Variants in SEMA3D observed in about 807,000 individuals in gnomAD.
The protein encoded by SEMA3D is semaphorin-3D.
Under a neutral mutation model 100.1 loss-of-function variants are expected in SEMA3D, and 84 were observed. The observed-to-expected ratio is 0.84, with a 90% CI of 0.70 to 1.01. SEMA3D has a LOEUF of 1.01. Among genes scored for constraint, SEMA3D ranks in the 50% least tolerant of loss-of-function variants. The pLI is 0.00. For synonymous variants in SEMA3D, 312 were observed against 320.7 expected (o/e 0.97, Z 0.29); for missense variants, 875 against 934.1 (o/e 0.94, Z 0.82).
intron 12 of SEMA3D, among the ~76,000 whole-genome samples, chr7:85,034,158 G>A (rs1371545151): frequency 6.6e-6 from 1 of 151,966 alleles, no homozygotes; most frequent in African/African-American, 2.4e-5. Flanking sequence ...TGTGTTTCAT[G>A]GGATTATGAT....
intron 4 of SEMA3D, among the ~76,000 whole-genome samples, chr7:85,093,152 A>T (rs972242805): frequency 6.6e-6 from 1 of 152,038 alleles, no homozygotes; most frequent in Admixed American, 6.6e-5. Flanking sequence ...CAGTCTTCTA[A>T]GTCAATTAAT....
the SEMA3D span, among the ~76,000 whole-genome samples, chr7:85,231,512 G>A: frequency 7.0e-6 from 1 of 142,986 alleles, no homozygotes; most frequent in Admixed American, 7.3e-5. Flanking sequence ...CAGTAGTGGG[G>A]CGATCTCGGC....
chr7:85,200,828 G>T, the SEMA3D span, among the ~76,000 whole-genome samples: 1 of 152,198 alleles, frequency 6.6e-6, no homozygotes. Flanking sequence ...GTGTCTCCAT[G>T]CTGTGTGCAG....
intron 17 of SEMA3D, among the ~76,000 whole-genome samples, chr7:85,012,383 C>G (rs1255713527): frequency 6.6e-6 from 1 of 151,492 alleles, no homozygotes; most frequent in Non-Finnish European, 1.5e-5. Context: ...TACCTAAAAA[C>G]TTTTTTCTAA....
At chr7:85,163,754 A>G (rs1299567136) in intron 1 of SEMA3D, among the ~76,000 whole-genome samples, 1 of 152,128 alleles carries the variant, frequency 6.6e-6, no homozygotes, top group African/African-American at 2.4e-5. Flanking sequence ...TCTCATTCCC[A>G]GAATTGCTTT....
Position 85,042,163 on chromosome 7 carries a change from G to A in SEMA3D, c.976+8C>T, listed in dbSNP as rs1790882655. On this transcript the variant is annotated splice_region_variant and intron_variant, in intron 10 of 18. Transcript: ENST00000284136. ...CCTTTCCAAGAAAGAAGGAAAGAAG[G>A]AACTTACGAAGCTCATCAAAGTAAG... 17 of 1,570,066 alleles carry A rather than the reference G, an allele frequency of 1.1e-5. No individual in the cohort carries two copies. The highest frequency in any genetic ancestry group is 1.5e-5 in the Non-Finnish European group (17 of 1,140,496).
intron 2 of SEMA3D, among the ~76,000 whole-genome samples, chr7:85,135,982 G>A (rs1789854932): frequency 6.6e-6 from 1 of 151,942 alleles, no homozygotes; most frequent in African/African-American, 2.4e-5. Context: ...CACATTTATA[G>A]AAAATTCACA....
chr7:85,102,305 T>C (rs1788773251), intron 3 of SEMA3D, among the ~76,000 whole-genome samples: 2 of 152,014 alleles, frequency 1.3e-5, no homozygotes, highest in African/African-American at 4.8e-5. Context: ...AGGTTGCACG[T>C]ACATACTGCA....
At chr7:85,099,415 A>C (rs1257442848) in intron 3 of SEMA3D, among the ~76,000 whole-genome samples, 1 of 151,952 alleles carries the variant, frequency 6.6e-6, no homozygotes, top group African/African-American at 2.4e-5. Flanking sequence ...CATGATTGCG[A>C]GGCCTCAGCC....
the SEMA3D span, among the ~76,000 whole-genome samples, chr7:85,197,297 A>G: frequency 6.6e-6 from 1 of 152,122 alleles, no homozygotes; most frequent in Non-Finnish European, 1.5e-5. Flanking sequence ...GTTGGCATCT[A>G]TTGCCTCTAA....
intron 12 of SEMA3D, among the ~76,000 whole-genome samples, chr7:85,025,091 C>T (rs1010343534): frequency 2.0e-5 from 3 of 151,970 alleles, no homozygotes; most frequent in Non-Finnish European, 2.9e-5. Flanking sequence ...GGTTTTTCTC[C>T]GTATGTATGT....
At chr7:85,083,573 G>T in intron 4 of SEMA3D, among the ~76,000 whole-genome samples, 1 of 152,048 alleles carries the variant, frequency 6.6e-6, no homozygotes, top group Admixed American at 6.6e-5. Context: ...GGCCGGGCGC[G>T]GTGGCTCACG....
Position 85,083,470 on chromosome 7 carries a change from GTTGT to G in SEMA3D, c.313-1895_313-1892del, listed in dbSNP as rs879334923. 5.9e-5 allele frequency among the ~76,000 whole-genome samples: 9 copies of G among 152,310 alleles called. 1 individual carries two copies. Among genetic ancestry groups the G allele is most frequent in the African/African-American group, 1.2e-4 (5 of 41,564 alleles). Reference sequence around the variant, plus strand: ...CCAAAATTGGAACGTTTCTTCAAATGTTGTTTGTTTGTTATTTTTGTTCTGGTTG... The same window carrying G: ...CCAAAATTGGAACGTTTCTTCAAATGTTGTTTGTTATTTTTGTTCTGGTTG... On this transcript the variant is annotated intron_variant, in intron 4 of 18. Transcript: ENST00000284136.
the SEMA3D span, among the ~76,000 whole-genome samples, chr7:85,230,753 G>A: frequency 6.6e-6 from 1 of 152,150 alleles, no homozygotes; most frequent in Admixed American, 6.5e-5. Context: ...GTTCATCCAT[G>A]CATTAAAATG....
chr7:85,249,157 G>C, the SEMA3D span, among the ~76,000 whole-genome samples: 1 of 152,070 alleles, frequency 6.6e-6, no homozygotes, highest in African/African-American at 2.4e-5. Context: ...GTCTTTTTAA[G>C]TGTTCTAAAA....
At chr7:85,119,153 A>C (rs1466524911) in intron 3 of SEMA3D, among the ~76,000 whole-genome samples, 1 of 152,192 alleles carries the variant, frequency 6.6e-6, no homozygotes, top group East Asian at 1.9e-4. Flanking sequence ...CGGAATGCTT[A>C]TACACTGTTT....
At chr7:85,110,992 A>G (rs1002842453) in intron 3 of SEMA3D, among the ~76,000 whole-genome samples, 4 of 152,082 alleles carry the variant, frequency 2.6e-5, no homozygotes, top group Non-Finnish European at 4.4e-5. Flanking sequence ...CTCTCTAGAC[A>G]TATTAGCTGA....
intron 1 of SEMA3D, among the ~76,000 whole-genome samples, chr7:85,158,778 A>T (rs1223835703): frequency 6.6e-6 from 1 of 152,088 alleles, no homozygotes; most frequent in East Asian, 1.9e-4. Flanking sequence ...CAGCTTTAAA[A>T]TTTCTGTCTT....
the SEMA3D span, among the ~76,000 whole-genome samples, chr7:85,199,411 G>C: frequency 2.0e-5 from 3 of 152,056 alleles, no homozygotes; most frequent in East Asian, 5.8e-4. Flanking sequence ...TGCATCACTT[G>C]TAGTTTCTAC....
Sources: allele counts gnomAD v4.1 joint callset (sites outside exome capture counted in the v4.1 genomes callset), GRCh38; gene constraint gnomAD v4.1.1; transcripts MANE v1.5; gene names NCBI Gene and HGNC (gene_info 2026-07-23, HGNC 2026-07-21).